TMPRSS2: variants seen among roughly 807,000 people sequenced by gnomAD.
TMPRSS2 encodes the protein transmembrane protease serine 2.
TMPRSS2 carries 59 observed loss-of-function variants against 67.4 expected under a neutral mutation model. The ratio of observed to expected loss-of-function variants is 0.88; its 90% CI spans 0.71 to 1.09. The LOEUF is 1.09. Ranked by LOEUF, TMPRSS2 falls within the 50% of genes least tolerant of loss-of-function variation. The pLI, the probability that TMPRSS2 is intolerant of heterozygous loss-of-function variation, is 0.00. For synonymous variants in TMPRSS2, 257 were observed against 257.0 expected (o/e 1.00, Z 0.00); for missense variants, 668 against 642.7 (o/e 1.04, Z -0.43).
chr21:41,467,690 C>G (rs1429823013), intron 13 of TMPRSS2, 44 bp downstream of exon 13: 4 of 1,603,316 alleles, frequency 2.5e-6, no homozygotes, highest in Admixed American at 3.4e-5. Flanking sequence ...GGCTTTGGCT[C>G]GAGGAATCGG....
intron 2 of TMPRSS2, 53 bp from the exon 3 acceptor site, chr21:41,494,631 G>A: frequency 6.7e-7 from 1 of 1,492,060 alleles, no homozygotes; most frequent in East Asian, 2.3e-5. Context: ...TGCACTAAAG[G>A]GTTACATACA....
chr21:41,507,834 G>T, intron 1 of TMPRSS2: 1 of 1,192,746 alleles, frequency 8.4e-7, no homozygotes, highest in Non-Finnish European at 1.1e-6. Flanking sequence ...AAGCCAACAG[G>T]GGCGGCGAGG....
intron 1 of TMPRSS2, among the ~76,000 whole-genome samples, chr21:41,498,641 T>G (rs1192908121): frequency 1.3e-5 from 2 of 152,144 alleles, no homozygotes; most frequent in African/African-American, 4.8e-5. Context: ...TGATATCCCC[T>G]ATACAGAACA....
intron 9 of TMPRSS2, 23 bp downstream of exon 9, chr21:41,473,302 G>T: frequency 6.4e-7 from 1 of 1,559,344 alleles, no homozygotes; most frequent in Non-Finnish European, 8.7e-7. Flanking sequence ...GCCCCCACCC[G>T]GCCCGCGCCG....
chr21:41,495,325 T>C (rs545504807), intron 2 of TMPRSS2, among the ~76,000 whole-genome samples: 1 of 152,068 alleles, frequency 6.6e-6, no homozygotes, highest in African/African-American at 2.4e-5. Context: ...TCCCTCTACA[T>C]ACAAAAATAC....
At chr21:41,473,588 G>T (rs763719682) in intron 8 of TMPRSS2, 92 bp from the exon 9 acceptor site, 5 of 1,368,952 alleles carry the variant, frequency 3.7e-6, no homozygotes, top group Admixed American at 4.2e-5. Context: ...CTCCCAGGCT[G>T]CAAGGACAGG....
chr21:41,491,157 T>TTC (rs1026490511), intron 3 of TMPRSS2, among the ~76,000 whole-genome samples: 2 of 92,294 alleles, frequency 2.2e-5, no homozygotes, highest in African/African-American at 1.1e-4. Flanking sequence ...TTGCATTTTT[T>TTC]TTTTTTTTTT....
chr21:41,476,739 G>C, intron 7 of TMPRSS2, 119 bp from the exon 8 acceptor site: 2 of 909,316 alleles, frequency 2.2e-6, no homozygotes, highest in South Asian at 1.4e-5. Flanking sequence ...GACATAGAAG[G>C]GTCTGCTAGT....
At chr21:41,481,082 CT>C (rs1853786272) in intron 5 of TMPRSS2, among the ~76,000 whole-genome samples, 1 of 152,148 alleles carries the variant, frequency 6.6e-6, no homozygotes, top group Admixed American at 6.6e-5. Flanking sequence ...CTAAAAAGTG[CT>C]CTCTACACAA....
Position 41,468,624 on chromosome 21 carries a change from C to G in TMPRSS2, c.1172-86G>C, listed in dbSNP as rs959214133. On this transcript the variant is annotated intron_variant, in intron 11 of 13. Coordinates refer to ENST00000332149, the MANE Select transcript of TMPRSS2 (RefSeq NM_005656.4). ...CACTTCCCTCCCTGAGACCTCCACA[C>G]GCACTACACAGATGGTCACAGCCCT... The G allele has an allele frequency of 2.7e-6, 4 of 1,476,800 alleles. No individual in the cohort carries two copies. The African/African-American group carries it at 4.1e-5, about 15-fold the overall frequency. 91.5% of individuals were successfully genotyped at this position (1,476,800 alleles called of 1,614,324 possible).
intron 7 of TMPRSS2, 32 bp from the exon 8 acceptor site, chr21:41,476,652 G>C: frequency 1.3e-6 from 2 of 1,599,730 alleles, no homozygotes; most frequent in Non-Finnish European, 1.7e-6. Context: ...TTCTGGTCAC[G>C]ATAGTGCGGA....
At chr21:41,496,580 C>T (rs1294456691) in intron 2 of TMPRSS2, among the ~76,000 whole-genome samples, 2 of 152,166 alleles carry the variant, frequency 1.3e-5, no homozygotes, top group Non-Finnish European at 2.9e-5. Context: ...TGCCTATCTT[C>T]TTAGAATGCC....
chr21:41,467,879 C>T lies in TMPRSS2; in HGVS notation c.1322G>A (p.Ser441Asn). 2 of 1,614,238 alleles carry T rather than the reference C, an allele frequency of 1.2e-6. No homozygotes were observed. Among genetic ancestry groups the T allele is most frequent in the African/African-American group, 1.3e-5 (1 of 75,072 alleles). The stretch of plus-strand genomic sequence containing the variant: ...CTTCGAAGTGACCAGAGGCCCTCCA[C>T]TGTCACCCTGTGGGACACAGCAAGG... ...QGNVDSCQGD[S>N]GGPLVTSKNN... The change falls in exon 13 of 14, where the codon AGT becomes AAT. Residue 441 changes from serine to asparagine, a missense_variant. By Grantham distance (46) the Ser-to-Asn change is conservative. Transcript: ENST00000332149.
chr21:41,472,601 C>T (rs1354886112), intron 9 of TMPRSS2, among the ~76,000 whole-genome samples: 3 of 152,136 alleles, frequency 2.0e-5, no homozygotes, highest in Non-Finnish European at 2.9e-5. Flanking sequence ...CTTCCTTGAC[C>T]TTCATAACAG....
intron 4 of TMPRSS2, among the ~76,000 whole-genome samples, chr21:41,488,795 G>A (rs183016576): frequency 2.6e-5 from 4 of 152,104 alleles, no homozygotes; most frequent in Non-Finnish European, 4.4e-5. Flanking sequence ...ACGCCACCAC[G>A]CCTGACTAAT....
At chr21:41,475,547 G>A (rs530126991) in intron 8 of TMPRSS2, among the ~76,000 whole-genome samples, 25 of 35,636 alleles carry the variant, frequency 7.0e-4, no homozygotes, top group Non-Finnish European at 7.7e-4. Flanking sequence ...GTGAGTGAGG[G>A]GGTGAGGAGG....
chr21:41,501,674 A>AG (rs949883286), intron 1 of TMPRSS2, among the ~76,000 whole-genome samples: 2 of 151,548 alleles, frequency 1.3e-5, no homozygotes, highest in Non-Finnish European at 2.9e-5. Flanking sequence ...AAATAAAACA[A>AG]GGGGGGGAAT....
chr21:41,503,625 T>A (rs1277349619), intron 1 of TMPRSS2, among the ~76,000 whole-genome samples: 2 of 152,174 alleles, frequency 1.3e-5, no homozygotes, highest in South Asian at 2.1e-4. Flanking sequence ...TTGGATTCTA[T>A]CTGGGGAAAT....
chr21:41,499,795 A>T (rs1211617169), intron 1 of TMPRSS2, among the ~76,000 whole-genome samples: 1 of 152,140 alleles, frequency 6.6e-6, no homozygotes, highest in East Asian at 1.9e-4. Context: ...AACAAGTCTC[A>T]TTGGACGATT....
Sources: gnomAD v4.1 joint callset for allele counts (sites outside exome capture counted in the v4.1 genomes callset) on GRCh38, gnomAD v4.1.1 for gene constraint, MANE v1.5 for transcripts, NCBI Gene and HGNC (gene_info 2026-07-23, HGNC 2026-07-21) for gene names.